FBN2: variants seen among roughly 807,000 people sequenced by gnomAD.
The protein encoded by FBN2 is fibrillin-2.
FBN2 carries 105 observed loss-of-function variants against 355.6 expected under a neutral mutation model. That is an observed-to-expected ratio of 0.30 (90% CI 0.25 to 0.35). FBN2 has a LOEUF of 0.35. Among genes scored for constraint, FBN2 ranks in the 10% least tolerant of loss-of-function variants. The probability of loss-of-function intolerance (pLI) is 1.00; values close to 1 mark genes in which losing one functional copy is unlikely to be tolerated. For missense variants in FBN2, 3,280 were observed against 3,758.7 expected (o/e 0.87, Z 3.33); for synonymous variants, 1,350 against 1,301.2 (o/e 1.04, Z -0.81).
At chr5:128,419,055 C>A (rs1303552516) in intron 7 of FBN2, among the ~76,000 whole-genome samples, 2 of 152,152 alleles carry the variant, frequency 1.3e-5, no homozygotes, top group African/African-American at 4.8e-5. Context: ...AATCTATCAC[C>A]TACTCTGCTA....
chr5:128,422,022 TG>T (rs1753362622), intron 7 of FBN2, among the ~76,000 whole-genome samples: 1 of 152,164 alleles, frequency 6.6e-6, no homozygotes, highest in African/African-American at 2.4e-5. Context: ...GCTACACTAC[TG>T]GCTTTAAAGA....
At chr5:128,514,481 A>G (rs939365790) in intron 5 of FBN2, among the ~76,000 whole-genome samples, 1 of 152,190 alleles carries the variant, frequency 6.6e-6, no homozygotes, top group Non-Finnish European at 1.5e-5. Flanking sequence ...CTCATTAATA[A>G]GAAGTATATA....
chr5:128,369,158 T>G, intron 16 of FBN2, 24 bp downstream of exon 16: 1 of 1,612,852 alleles, frequency 6.2e-7, no homozygotes, highest in South Asian at 1.1e-5. Context: ...CTTTATCAAC[T>G]GTGAAAATGG....
At chr5:128,536,161 C>T (rs899830011) in intron 2 of FBN2, among the ~76,000 whole-genome samples, 2 of 152,198 alleles carry the variant, frequency 1.3e-5, no homozygotes, top group African/African-American at 4.8e-5. Flanking sequence ...ATAAAACTTT[C>T]AATTATCTTT....
rs996171522 is a variant in FBN2 at position 128,480,125 on chromosome 5, C to T, written c.629-15204G>A. ...TCCATATATATAATATATATATCCT[C>T]TCTATATACATATATATTATACATA... On this transcript the variant is annotated intron_variant, in intron 5 of 64. Transcript: ENST00000262464. Among the ~76,000 whole-genome samples the T allele has an allele frequency of 1.5e-4, 21 of 138,152 alleles. 1 individual carries two copies. The highest frequency in any genetic ancestry group is 5.6e-4 in the African/African-American group (21 of 37,606). The allele number at this position is 138,152 out of a possible 152,430, so 90.6% of individuals were successfully genotyped here. A position where few individuals can be genotyped will look rare whatever the true frequency, so the allele number is the denominator to read the frequency against.
chr5:128,292,780 T>C (rs1749363249), intron 48 of FBN2, among the ~76,000 whole-genome samples: 1 of 152,206 alleles, frequency 6.6e-6, no homozygotes, highest in Non-Finnish European at 1.5e-5. Flanking sequence ...AGTAAAATCC[T>C]ATCCAACATT....
chr5:128,406,505 T>C (rs573716118), intron 8 of FBN2, among the ~76,000 whole-genome samples: 85 of 152,282 alleles, frequency 5.6e-4, no homozygotes, highest in Non-Finnish European at 8.4e-4. Context: ...TCTCATTTTA[T>C]ATATATCTGA....
rs757941011 is a variant in FBN2, at chr5:128,290,784, C to A, written c.6393G>T (p.Met2131Ile). The stretch of plus-strand genomic sequence containing the variant: ...AGGGGTCCCCCCAGCCCTCTCCTGG[C>A]ATCTTACTACAGCAGCATTTTGCTT... ...TTKAKCCCSK[M>I]PGEGWGDPCE... The change falls in exon 50 of 65, where the codon ATG (methionine) becomes ATT (isoleucine). Residue 2131 changes from methionine (M) to isoleucine (I), a missense_variant. Physicochemically the swap from Met to Ile is conservative, Grantham distance 10. Around this residue, in one of 6 missense-constraint regions of FBN2, gnomAD observed 2,284 missense variants for 2,749.5 expected, o/e 0.83. Transcript: ENST00000262464. 1.9e-6 allele frequency: 3 copies of A among 1,614,056 alleles called. No homozygotes were observed. In the African/African-American group the frequency reaches 4.0e-5, roughly 22 times the overall value.
At chr5:128,344,601 C>T in intron 24 of FBN2, 91 bp from the exon 25 acceptor site, 4 of 1,183,416 alleles carry the variant, frequency 3.4e-6, no homozygotes, top group Non-Finnish European at 5.0e-6. Flanking sequence ...TGATGGACAA[C>T]AGTAATGCAT....
intron 4 of FBN2, among the ~76,000 whole-genome samples, chr5:128,519,849 A>T (rs1561495715): frequency 6.6e-6 from 1 of 152,110 alleles, no homozygotes; most frequent in Non-Finnish European, 1.5e-5. Flanking sequence ...ATATGGCAAT[A>T]AAGGGAAAAA....
intron 6 of FBN2, among the ~76,000 whole-genome samples, chr5:128,450,621 T>C (rs915927102): frequency 2.0e-5 from 3 of 152,036 alleles, no homozygotes; most frequent in African/African-American, 7.2e-5. Flanking sequence ...TCAGTTTCCA[T>C]ATTAAGACAT....
At chr5:128,288,297 C>A (rs1749216182) in intron 53 of FBN2, 141 bp downstream of exon 53, 4 of 883,316 alleles carry the variant, frequency 4.5e-6, no homozygotes, top group Non-Finnish European at 6.9e-6. Context: ...AACCAACCAA[C>A]CAAACAAAAA....
chr5:128,390,258 TG>T (rs1193861606), intron 11 of FBN2, among the ~76,000 whole-genome samples: 1 of 152,218 alleles, frequency 6.6e-6, no homozygotes, highest in Non-Finnish European at 1.5e-5. Context: ...ACAAGAAAGT[TG>T]GGGACTCTTT....
Position 128,304,980 on chromosome 5 carries a change from G to A in FBN2, c.5777C>T (p.Ser1926Phe). ...ACCCATGCACATGGTCTGGTCCTGA[G>A]AAGCCTTAAAGCCATTGTGGCAGAT... ...QCICHNGFKA[S>F]QDQTMCMDVD... The change falls in exon 45 of 65, where the codon TCT (serine) becomes TTT (phenylalanine). Residue 1926 changes from serine (S) to phenylalanine (F), a missense_variant. Around this residue, in one of 6 missense-constraint regions of FBN2, gnomAD observed 2,284 missense variants for 2,749.5 expected, o/e 0.83. Coordinates refer to ENST00000262464, the MANE Select transcript of FBN2 (RefSeq NM_001999.4). 1 of 1,613,956 alleles carries A rather than the reference G, an allele frequency of 6.2e-7. No individual in the cohort carries two copies. The highest frequency in any genetic ancestry group is 8.5e-7 in the Non-Finnish European group (1 of 1,179,974).
chr5:128,514,784 G>C (rs1438751161), intron 5 of FBN2, among the ~76,000 whole-genome samples: 1 of 152,084 alleles, frequency 6.6e-6, no homozygotes, highest in Non-Finnish European at 1.5e-5. Context: ...TGAGTAATTA[G>C]ATTCTCGTCT....
chr5:128,267,026 T>A (rs1765132870), intron 62 of FBN2, among the ~76,000 whole-genome samples: 1 of 149,510 alleles, frequency 6.7e-6, no homozygotes, highest in Non-Finnish European at 1.5e-5. Flanking sequence ...TTTCCCTGCG[T>A]CTATGTGTTC....
At chr5:128,453,975 A>T (rs1581311120) in intron 6 of FBN2, among the ~76,000 whole-genome samples, 1 of 151,400 alleles carries the variant, frequency 6.6e-6, no homozygotes, top group Non-Finnish European at 1.5e-5. Context: ...GGAGTAGAAT[A>T]CTCAGAAATG....
At chr5:128,529,185 T>C (rs1003181450) in intron 3 of FBN2, among the ~76,000 whole-genome samples, 2 of 152,132 alleles carry the variant, frequency 1.3e-5, no homozygotes, top group African/African-American at 4.8e-5. Context: ...AGTGGTGGGA[T>C]CTCCAGTGTA....
intron 7 of FBN2, among the ~76,000 whole-genome samples, chr5:128,445,166 G>T (rs1581302710): frequency 6.6e-6 from 1 of 152,126 alleles, no homozygotes; most frequent in South Asian, 2.1e-4. Flanking sequence ...TATTTAAGTA[G>T]TATAAGACAC....
Sources: gnomAD v4.1 joint callset for allele counts (sites outside exome capture counted in the v4.1 genomes callset) on GRCh38, gnomAD v4.1.1 for gene constraint, gnomAD v4.1.1 regional missense constraint, MANE v1.5 for transcripts, NCBI Gene and HGNC (gene_info 2026-07-23, HGNC 2026-07-21) for gene names.